The following TTC39B variants were observed in gnomAD, a reference collection of about 807,000 sequenced individuals.
The protein encoded by TTC39B is tetratricopeptide repeat protein 39B.
A neutral mutation model predicts 96.6 loss-of-function variants in TTC39B; 92 were observed. That is an observed-to-expected ratio of 0.95 (90% CI 0.80 to 1.13). TTC39B has a LOEUF of 1.13. TTC39B is among the 50% of genes most tolerant of loss of function. The pLI, the probability that TTC39B is intolerant of heterozygous loss-of-function variation, is 0.00. For missense variants in TTC39B, 955 were observed against 809.3 expected, an observed-to-expected ratio of 1.18 and a Z score of -2.18; for synonymous variants, 367 against 299.4, an observed-to-expected ratio of 1.23 and a Z score of -2.33.
chr9:15,223,759 A>G (rs1479450251), intron 3 of TTC39B, among the ~76,000 whole-genome samples: 9 of 152,104 alleles, frequency 5.9e-5, no homozygotes. Context: ...AAATGTGAGT[A>G]CAGGTTGAGC....
chr9:15,239,552 T>C (rs1323491007), intron 2 of TTC39B, among the ~76,000 whole-genome samples: 2 of 152,216 alleles, frequency 1.3e-5, no homozygotes, highest in African/African-American at 4.8e-5. Flanking sequence ...AAAGAAAATG[T>C]GGAATAGATA....
At chr9:15,285,821 C>G (rs1314047715) in intron 1 of TTC39B, among the ~76,000 whole-genome samples, 2 of 152,072 alleles carry the variant, frequency 1.3e-5, no homozygotes, top group Non-Finnish European at 1.5e-5. Flanking sequence ...CGTGACTGCA[C>G]TCCAGCCCAG....
At chr9:15,177,138 G>T (rs1352615329) in intron 18 of TTC39B, among the ~76,000 whole-genome samples, 3 of 152,030 alleles carry the variant, frequency 2.0e-5, no homozygotes, top group African/African-American at 7.2e-5. Context: ...AAATATCCAT[G>T]GAATAAATGA....
At position 15,214,338 on chromosome 9, in the gene TTC39B, GTGTGTGTGTC is replaced by G. The variant is rs1419246503; in HGVS notation, c.372-99_372-90del. The G allele has an allele frequency of 2.1e-4, 174 of 816,102 alleles. No individual in the cohort carries two copies. In the African/African-American group the frequency reaches 2.2e-3, roughly 10 times the overall value. 50.6% of individuals were successfully genotyped at this position (816,102 alleles called of 1,614,324 possible). A position where few individuals can be genotyped will look rare whatever the true frequency, so the allele number is the denominator to read the frequency against. On this transcript the variant is annotated intron_variant, in intron 3 of 19. Coordinates refer to ENST00000512701, the Ensembl canonical transcript of TTC39B. The stretch of plus-strand genomic sequence containing the variant: ...GGAGTGTGTGTGTGTGTGTGTGTGT[GTGTGTGTGTC>G]TGTGTGTGTGTGTCTGTGTGTGTGT...
chr9:15,195,670 CAAAAAA>C (rs35318510), intron 8 of TTC39B, among the ~76,000 whole-genome samples: 2 of 66,320 alleles, frequency 3.0e-5, no homozygotes, highest in African/African-American at 6.3e-5. Flanking sequence ...ACTCCATCTC[CAAAAAA>C]AAAAAAAAAA....
intron 8 of TTC39B, among the ~76,000 whole-genome samples, 174 bp downstream of exon 8, chr9:15,199,687 A>T (rs978399242): frequency 4.0e-5 from 5 of 126,180 alleles, no homozygotes; most frequent in Non-Finnish European, 6.4e-5. Flanking sequence ...GTGAGCCGAG[A>T]TTGCGCCACT....
Position 15,182,299 on chromosome 9 carries a change from A to G in TTC39B, c.1723+8T>C. On this transcript the variant is annotated splice_region_variant and intron_variant, in intron 17 of 19. Transcript: ENST00000512701. ...AAAGGCTCCTCGGTGCTTACTGTGT[A>G]TACTTACTTTGACTTTGTAAAGCTG... 6.3e-7 allele frequency: 1 copy of G among 1,589,040 alleles called. No individual in the cohort carries two copies. The highest frequency in any genetic ancestry group is 8.6e-7 in the Non-Finnish European group (1 of 1,161,704).
exon 20 of TTC39B, chr9:15,169,235 T>G (rs1588825376): frequency 6.6e-6 from 1 of 152,188 alleles, no homozygotes; most frequent in East Asian, 1.9e-4. Context: ...AAAGACAGGA[T>G]CAATGGACTT....
At chr9:15,246,040 G>A (rs547446693) in intron 2 of TTC39B, among the ~76,000 whole-genome samples, 2 of 152,172 alleles carry the variant, frequency 1.3e-5, no homozygotes, top group African/African-American at 4.8e-5. Flanking sequence ...GATCACCTGA[G>A]GTCAGGAGTT....
rs541599536 is a variant in TTC39B at position 15,206,317 on chromosome 9, G to A, written c.692-2427C>T. The stretch of plus-strand genomic sequence containing the variant: ...AGTTTAATGAAATATACTCACTCCT[G>A]TAGACAACCAGACACTCAAGGATGT... On this transcript the variant is annotated intron_variant, in intron 6 of 19. Transcript: ENST00000512701. 1.4e-4 allele frequency among the ~76,000 whole-genome samples: 22 copies of A among 152,274 alleles called. No homozygotes were observed. The South Asian group carries it at 4.1e-3, about 29-fold the overall frequency.
exon 20 of TTC39B, chr9:15,171,781 T>C (rs758497228): frequency 3.7e-6 from 1 of 270,058 alleles, no homozygotes; most frequent in Non-Finnish European, 6.9e-6. Flanking sequence ...TCAAATAATA[T>C]GAAATTCTTT....
At chr9:15,282,031 C>T (rs80137366) in intron 1 of TTC39B, among the ~76,000 whole-genome samples, 6,519 of 152,154 alleles carry the variant, frequency 0.043, 158 homozygotes, top group African/African-American at 0.05. Flanking sequence ...TACCGTAAAA[C>T]AAATTAACTT....
rs200265253 is a variant in TTC39B at position 15,198,260 on chromosome 9, C to CGG, written c.824+1600_824+1601insCC. 9.2e-3 allele frequency among the ~76,000 whole-genome samples: 1,401 copies of CGG among 151,942 alleles called. 27 individuals are homozygous for CGG. The highest frequency in any genetic ancestry group is 0.032 in the African/African-American group (1,318 of 41,370). Reference sequence around the variant, plus strand: ...GATCACGAGGTCAGGAGTTCGAGACCAGCCCGGTCAATATGGTGAAACCCC... The same window carrying CGG: ...GATCACGAGGTCAGGAGTTCGAGACCGGAGCCCGGTCAATATGGTGAAACCCC... On this transcript the variant is annotated intron_variant, in intron 8 of 19. Coordinates refer to ENST00000512701, the Ensembl canonical transcript of TTC39B.
At chr9:15,307,116 A>C in exon 1 of TTC39B, 2 of 1,610,590 alleles carry the variant, frequency 1.2e-6, no homozygotes, top group Non-Finnish European at 1.7e-6. Context: ...CGGCTGCCTA[A>C]GAGCGCCATA....
rs974459671 is a variant in TTC39B at position 15,210,170 on chromosome 9, T to C, written c.615-6A>G. On this transcript the variant is annotated splice_polypyrimidine_tract_variant and splice_region_variant and intron_variant, in intron 5 of 19. Coordinates refer to ENST00000512701, the Ensembl canonical transcript of TTC39B. The stretch of plus-strand genomic sequence containing the variant: ...CTGTGTATTTTTTCCTGTATCTACA[T>C]TGAATAAATAAAAAGGGAGATAGAA... 1.3e-5 allele frequency: 20 copies of C among 1,550,056 alleles called. No homozygotes were observed. The highest frequency in any genetic ancestry group is 9.7e-5 in the African/African-American group (7 of 71,886).
chr9:15,261,760 T>C (rs1015976935), intron 2 of TTC39B, among the ~76,000 whole-genome samples: 1 of 152,204 alleles, frequency 6.6e-6, no homozygotes, highest in African/African-American at 2.4e-5. Flanking sequence ...AAAAGATAGC[T>C]TTCTTTTGGA....
At chr9:15,291,989 C>T (rs1824205399) in intron 1 of TTC39B, among the ~76,000 whole-genome samples, 1 of 152,214 alleles carries the variant, frequency 6.6e-6, no homozygotes, top group Non-Finnish European at 1.5e-5. Context: ...TTGCTGAGTG[C>T]AGCCTGGTGC....
At chr9:15,304,894 A>C (rs1299183656) in intron 1 of TTC39B, among the ~76,000 whole-genome samples, 1 of 152,054 alleles carries the variant, frequency 6.6e-6, no homozygotes, top group Non-Finnish European at 1.5e-5. Context: ...CACATAAGTG[A>C]TGAACAAAGA....
intron 1 of TTC39B, among the ~76,000 whole-genome samples, chr9:15,303,677 C>T (rs907192649): frequency 2.0e-5 from 3 of 151,768 alleles, no homozygotes; most frequent in Admixed American, 6.6e-5. Flanking sequence ...TTGTTGCCCC[C>T]GCTGGAGTAC....
Sources: gnomAD v4.1 joint callset for allele counts (sites outside exome capture counted in the v4.1 genomes callset) on GRCh38, gnomAD v4.1.1 for gene constraint, MANE v1.5 for transcripts, NCBI Gene and HGNC (gene_info 2026-07-23, HGNC 2026-07-21) for gene names.